The following CD101 variants were observed in gnomAD, a reference collection of about 807,000 sequenced individuals.
The protein encoded by CD101 is immunoglobulin superfamily member 2.
Under a neutral mutation model 98.2 loss-of-function variants are expected in CD101, and 76 were observed. The ratio of observed to expected loss-of-function variants is 0.77; its 90% CI spans 0.64 to 0.94. CD101 has a LOEUF of 0.94. Among genes scored for constraint, CD101 ranks in the 40% least tolerant of loss-of-function variants. CD101 has a pLI of 0.00. For synonymous variants in CD101, 471 were observed against 472.7 expected (o/e 1.00, Z 0.05); for missense variants, 1,145 against 1,218.8 (o/e 0.94, Z 0.90).
Position 117,022,094 on chromosome 1 carries a change from A to G in CD101, c.2428+111A>G. 1 of 1,226,714 alleles carries G rather than the reference A, an allele frequency of 8.2e-7. No individual in the cohort carries two copies. Among genetic ancestry groups the G allele is most frequent in the Non-Finnish European group, 1.1e-6 (1 of 876,650 alleles). 76.0% of individuals were successfully genotyped at this position (1,226,714 alleles called of 1,614,324 possible). ...GGAAGTAAAAATATGACCTAAAGTCATAGGAACAGTATCTACCTACACATG... is the reference window on the plus strand; with the variant it reads ...GGAAGTAAAAATATGACCTAAAGTCGTAGGAACAGTATCTACCTACACATG... On this transcript the variant is annotated intron_variant, in intron 7 of 9. Transcript: ENST00000682167. This position sits in a 1 kb window ranked among gnomAD's most constrained non-coding sequence, Gnocchi z 4.8.
intron 1 of CD101, 113 bp from the exon 2 acceptor site, chr1:117,009,737 T>C (rs1169114667): frequency 8.8e-7 from 1 of 1,130,264 alleles, no homozygotes; most frequent in Non-Finnish European, 1.2e-6. Context: ...TTATAGCTAA[T>C]AACTTGCGAT....
At chr1:117,015,381 A>C (rs981166256) in intron 4 of CD101, among the ~76,000 whole-genome samples, 1 of 149,774 alleles carries the variant, frequency 6.7e-6, no homozygotes, top group South Asian at 2.1e-4. Flanking sequence ...AGTTTAAACT[A>C]ATCATCATGG....
Position 117,033,892 on chromosome 1 carries a change from G to T in CD101, c.2857G>T (p.Ala953Ser). Residue 953 changes from alanine (A) to serine (S), a missense_variant, in exon 9 of 10, where the codon GCC (alanine) becomes TCC (serine). Coordinates refer to ENST00000682167, the MANE Select transcript of CD101 (RefSeq NM_001256106.3). The surrounding 1 kb of genome is among the most constrained non-coding windows in gnomAD (Gnocchi z 4.8). ...GCTTCCTTCCAGGATCTGCTCCTCG[G>T]CCCCTTTACTCTATTTCCTGTTCAT... ...PTLPSRICSS[A>S]PLLYFLFICP... is the part of the protein sequence containing the mutation. 5 of 1,614,090 alleles carry T rather than the reference G, an allele frequency of 3.1e-6. No homozygotes were observed. Among genetic ancestry groups the T allele is most frequent in the Non-Finnish European group, 4.2e-6 (5 of 1,179,996 alleles).
chr1:117,035,177 G>C (rs1374400919), intron 9 of CD101, among the ~76,000 whole-genome samples: 4 of 152,142 alleles, frequency 2.6e-5, no homozygotes, highest in Non-Finnish European at 5.9e-5. Context: ...AAGCCGCTCA[G>C]GCCCTGTTGT....
rs1400581160 is a variant in CD101, at chr1:117,011,538, C to T, written c.425-12C>T. 6.2e-7 allele frequency: 1 copy of T among 1,606,658 alleles called. No homozygotes were observed. Among genetic ancestry groups the T allele is most frequent in the South Asian group, 1.1e-5 (1 of 89,820 alleles). ...TGGGCCAGTCACATTATTATCATTCCTTTGTTTCCAGTTATTCCAGATACC... is the reference window on the plus strand; with the variant it reads ...TGGGCCAGTCACATTATTATCATTCTTTTGTTTCCAGTTATTCCAGATACC... On this transcript the variant is annotated splice_polypyrimidine_tract_variant and intron_variant, in intron 2 of 9. Coordinates refer to ENST00000682167, the MANE Select transcript of CD101 (RefSeq NM_001256106.3).
rs376561361 is a variant in CD101, at chr1:117,030,443, G to GAGAA, written c.2825-3407_2825-3404dup. ...AGAAAGAGACAGAGAAAGAAAGAAA[G>GAGAA]AGAAAGAAAGAAAAGAAAGAAAAAA... is the stretch of plus-strand genomic sequence containing the variant. On this transcript the variant is annotated intron_variant, in intron 8 of 9. Transcript: ENST00000682167. 5.9e-3 allele frequency among the ~76,000 whole-genome samples: 881 copies of GAGAA among 150,404 alleles called. 9 individuals are homozygous for GAGAA. Among genetic ancestry groups the GAGAA allele is most frequent in the African/African-American group, 0.02 (817 of 40,736 alleles).
At position 117,011,789 on chromosome 1, in the gene CD101, G is replaced by T. The variant is rs117050713; in HGVS notation, c.664G>T (p.Val222Leu). ...TACAGAGCGGTTTGCAGCCAGTGAC[G>T]TACAGCTCAACAAACTGGGACCCAC... ...LYTERFAASD[V>L]QLNKLGPTTF... Residue 222 changes from valine to leucine, a missense_variant, in exon 3 of 10, where the codon GTA (valine) becomes TTA (leucine). Physicochemically the swap from Val to Leu is conservative, Grantham distance 32. Transcript: ENST00000682167. 2.5e-6 allele frequency: 4 copies of T among 1,614,096 alleles called. No individual in the cohort carries two copies. Among genetic ancestry groups the T allele is most frequent in the South Asian group, 2.2e-5 (2 of 91,072 alleles).
rs1222831340 is a variant in CD101 at position 117,004,084 on chromosome 1, T to A, written c.43+2224T>A. Among the ~76,000 whole-genome samples, 5 of 152,334 alleles carry A rather than the reference T, an allele frequency of 3.3e-5. No individual in the cohort carries two copies. Among genetic ancestry groups the A allele is most frequent in the South Asian group, 2.1e-4 (1 of 4,832 alleles). ...AGTTCTCGGATTTAGCAGTTAGCTT[T>A]GTCTGCTTGATCTATTTCCCCCACC... On this transcript the variant is annotated intron_variant, in intron 1 of 9. Transcript: ENST00000682167. The surrounding 1 kb of genome is among the most constrained non-coding windows in gnomAD (Gnocchi z 4.1).
chr1:117,006,094 C>T lies in CD101; in HGVS notation c.44-3756C>T, dbSNP rs529329735. 6.6e-6 allele frequency among the ~76,000 whole-genome samples: 1 copy of T among 152,204 alleles called. No individual in the cohort carries two copies. The highest frequency in any genetic ancestry group is 6.5e-5 in the Admixed American group (1 of 15,290). On this transcript the variant is annotated intron_variant, in intron 1 of 9. Transcript: ENST00000682167. The surrounding 1 kb of genome is among the most constrained non-coding windows in gnomAD (Gnocchi z 4.4). ...CACCCTTATACACACAACAGTAACT[C>T]TTCCTAATATCTGTATTTCTAGTCA...
At chr1:117,034,395 C>T (rs1654671143) in intron 9 of CD101, 2 of 424,616 alleles carry the variant, frequency 4.7e-6, no homozygotes, top group Non-Finnish European at 8.7e-6. Flanking sequence ...GAGGCTCCCT[C>T]ACACAGCCTC....
chr1:117,027,948 G>A (rs1260746815), intron 8 of CD101, among the ~76,000 whole-genome samples: 1 of 152,034 alleles, frequency 6.6e-6, no homozygotes, highest in East Asian at 1.9e-4. Context: ...AGCCGGGCAT[G>A]GTGGCCCATG....
chr1:117,029,953 A>T (rs1359311789), intron 8 of CD101, among the ~76,000 whole-genome samples: 1 of 152,108 alleles, frequency 6.6e-6, no homozygotes, highest in Admixed American at 6.5e-5. Flanking sequence ...TTTTTACCTT[A>T]CCCTTAGACC....
At chr1:117,027,042 A>G (rs1488506093) in intron 8 of CD101, among the ~76,000 whole-genome samples, 1 of 152,192 alleles carries the variant, frequency 6.6e-6, no homozygotes, top group Non-Finnish European at 1.5e-5. Context: ...ACCAGCTATG[A>G]AATCATACGC....
chr1:117,004,892 A>G lies in CD101; in HGVS notation c.43+3032A>G, dbSNP rs1437233568. Among the ~76,000 whole-genome samples, 1 of 152,070 alleles carries G rather than the reference A, an allele frequency of 6.6e-6. No individual in the cohort carries two copies. Among genetic ancestry groups the G allele is most frequent in the Non-Finnish European group, 1.5e-5 (1 of 68,014 alleles). ...GGCGGGTGGGGGAGGGGGGCTTATA[A>G]ACAACAGAAATTTAGTTTTGGAGGC... On this transcript the variant is annotated intron_variant, in intron 1 of 9. Transcript: ENST00000682167. The surrounding 1 kb of genome is among the most constrained non-coding windows in gnomAD (Gnocchi z 4.1).
chr1:117,013,423 A>T lies in CD101; in HGVS notation c.859A>T (p.Asn287Tyr). ...TTTCCCAGTGAAAGATTTTCAAGTC[A>T]ACATTACAGCTGACAGCTTGTTTGC... ...IQPAVKDFQV[N>Y]ITADSLFAEG... is the part of the protein sequence containing the mutation. Residue 287 changes from asparagine to tyrosine, a missense_variant, in exon 4 of 10, where the codon AAC (asparagine) becomes TAC (tyrosine). Asn to Tyr is a moderately radical substitution (Grantham distance 143). Coordinates refer to ENST00000682167, the MANE Select transcript of CD101 (RefSeq NM_001256106.3). The T allele has an allele frequency of 1.2e-6, 2 of 1,606,092 alleles. No individual in the cohort carries two copies. Among genetic ancestry groups the T allele is most frequent in the Non-Finnish European group, 1.7e-6 (2 of 1,174,804 alleles).
chr1:117,011,788 C>G lies in CD101; in HGVS notation c.663C>G (p.Asp221Glu), dbSNP rs150724602. The G allele has an allele frequency of 3.1e-6, 5 of 1,614,130 alleles. 1 individual carries two copies. The Middle Eastern group carries it at 6.6e-4, about 213-fold the overall frequency. ...PLYTERFAAS[D>E]VQLNKLGPTT... is the part of the protein sequence containing the mutation. ...ATACAGAGCGGTTTGCAGCCAGTGA[C>G]GTACAGCTCAACAAACTGGGACCCA... is the stretch of plus-strand genomic sequence containing the variant. Residue 221 changes from aspartate (D) to glutamate (E), a missense_variant, in exon 3 of 10, where the codon GAC becomes GAG. Physicochemically the swap from Asp to Glu is conservative, Grantham distance 45 (BLOSUM62 2). Transcript: ENST00000682167.
At chr1:117,014,274 C>T (rs1653076123) in intron 4 of CD101, among the ~76,000 whole-genome samples, 1 of 150,722 alleles carries the variant, frequency 6.6e-6, no homozygotes, top group Non-Finnish European at 1.5e-5. Flanking sequence ...GTCCTCCTTC[C>T]TGAGGAATGA....
At position 117,033,910 on chromosome 1, in the gene CD101, C is replaced by A. The variant is rs557484815; in HGVS notation, c.2875C>A (p.Leu959Met). Residue 959 changes from leucine (L) to methionine (M), a missense_variant, in exon 9 of 10, where the codon CTG (leucine) becomes ATG (methionine). Coordinates refer to ENST00000682167, the MANE Select transcript of CD101 (RefSeq NM_001256106.3). The surrounding 1 kb of genome is among the most constrained non-coding windows in gnomAD (Gnocchi z 4.8). ...ICSSAPLLYF[L>M]FICPFVLLLL... is the part of the protein sequence containing the mutation. ...CTCCTCGGCCCCTTTACTCTATTTCCTGTTCATCTGTCCCTTCGTCCTGCT... is the reference window on the plus strand; with the variant it reads ...CTCCTCGGCCCCTTTACTCTATTTCATGTTCATCTGTCCCTTCGTCCTGCT... 2.5e-6 allele frequency: 4 copies of A among 1,614,134 alleles called. No individual in the cohort carries two copies. In the South Asian group the frequency reaches 4.4e-5, roughly 18 times the overall value.
At chr1:117,017,010 T>C in intron 4 of CD101, 80 bp from the exon 5 acceptor site, 2 of 1,471,910 alleles carry the variant, frequency 1.4e-6, no homozygotes, top group Non-Finnish European at 1.8e-6. Flanking sequence ...CAAGTCCTAA[T>C]TAATGAAATT....
Sources: allele counts gnomAD v4.1 joint callset (sites outside exome capture counted in the v4.1 genomes callset), GRCh38; gene constraint gnomAD v4.1.1; non-coding constraint Gnocchi (gnomAD v3.1); transcripts MANE v1.5; gene names NCBI Gene and HGNC (gene_info 2026-07-23, HGNC 2026-07-21).